Variants in AGBL1 observed in about 807,000 individuals in gnomAD.
AGBL1 encodes the protein cytosolic carboxypeptidase 4.
Under a neutral mutation model 118.9 loss-of-function variants are expected in AGBL1, and 130 were observed. That is an observed-to-expected ratio of 1.09 (90% confidence interval 0.95 to 1.26). The LOEUF (loss-of-function observed/expected upper bound fraction) is 1.26, where lower values mean the gene tolerates loss of function less well. AGBL1 is among the 50% of genes most tolerant of loss of function. The pLI is 0.00. For missense variants in AGBL1, 1,584 were observed against 1,298.1 expected (o/e 1.22, Z -3.38); for synonymous variants, 555 against 478.9 (o/e 1.16, Z -2.08).
chr15:86,777,897 T>G (rs11635736), intron 22 of AGBL1, among the ~76,000 whole-genome samples: 55,449 of 151,968 alleles, frequency 0.36, 11,606 homozygotes, highest in South Asian at 0.5. Context: ...AGAGAAATTT[T>G]TAAAAGCTAA....
At chr15:86,829,870 T>G (rs1015147714) in intron 22 of AGBL1, among the ~76,000 whole-genome samples, 1 of 152,124 alleles carries the variant, frequency 6.6e-6, no homozygotes. Context: ...TTTGTTCAGT[T>G]CATTGCAGAA....
At chr15:86,315,401 C>T (rs950661541) in intron 17 of AGBL1, among the ~76,000 whole-genome samples, 2 of 152,104 alleles carry the variant, frequency 1.3e-5, no homozygotes, top group Non-Finnish European at 2.9e-5. Flanking sequence ...AGTATTTTCA[C>T]ATATGACTAT....
chr15:86,310,821 A>G (rs2079909628), intron 17 of AGBL1, among the ~76,000 whole-genome samples: 2 of 152,066 alleles, frequency 1.3e-5, no homozygotes, highest in Admixed American at 6.5e-5. Flanking sequence ...TCTACTATGG[A>G]TTTTTGGGAT....
chr15:86,322,820 T>C (rs150132101), intron 17 of AGBL1, among the ~76,000 whole-genome samples: 51 of 152,338 alleles, frequency 3.3e-4, no homozygotes, highest in African/African-American at 1.2e-3. Context: ...TATACATGGA[T>C]ACTTTCCCAG....
chr15:86,504,718 A>G (rs533392316), intron 18 of AGBL1, among the ~76,000 whole-genome samples: 1 of 151,818 alleles, frequency 6.6e-6, no homozygotes, highest in African/African-American at 2.4e-5. Context: ...CTATTATCAT[A>G]TAAAATACGT....
intron 21 of AGBL1, among the ~76,000 whole-genome samples, chr15:86,617,293 T>A (rs987447298): frequency 6.6e-6 from 1 of 152,190 alleles, no homozygotes; most frequent in African/African-American, 2.4e-5. Context: ...ACAATAATAT[T>A]CCTGTGACCT....
intron 18 of AGBL1, among the ~76,000 whole-genome samples, chr15:86,434,621 G>A (rs1260172651): frequency 6.6e-6 from 1 of 152,100 alleles, no homozygotes; most frequent in African/African-American, 2.4e-5. Context: ...GAATAAAATC[G>A]GTCATGGGCC....
At chr15:86,773,814 TG>T (rs1240130581) in intron 22 of AGBL1, among the ~76,000 whole-genome samples, 6 of 151,896 alleles carry the variant, frequency 4.0e-5, no homozygotes, top group Non-Finnish European at 7.4e-5. Flanking sequence ...TAGGTGTGTA[TG>T]GAAAAGAATC....
chr15:86,397,764 C>T (rs1354737300), intron 18 of AGBL1, among the ~76,000 whole-genome samples: 3 of 152,186 alleles, frequency 2.0e-5, no homozygotes, highest in Admixed American at 6.6e-5. Context: ...GACGCCTAGG[C>T]AGGAGGATCA....
chr15:86,735,687 TGTCTCTCTGG>T (rs2077585427), intron 22 of AGBL1, among the ~76,000 whole-genome samples: 1 of 151,132 alleles, frequency 6.6e-6, no homozygotes, highest in African/African-American at 2.4e-5. Context: ...GTCTGCATAC[TGTCTCTCTGG>T]GTCTCTTTCA....
At chr15:86,933,352 A>G (rs1391126167) in intron 23 of AGBL1, among the ~76,000 whole-genome samples, 1 of 151,934 alleles carries the variant, frequency 6.6e-6, no homozygotes, top group Non-Finnish European at 1.5e-5. Context: ...ATGAAACCAA[A>G]AGGCCACAAA....
chr15:86,598,025 G>T (rs943568510), intron 21 of AGBL1, among the ~76,000 whole-genome samples: 1 of 152,098 alleles, frequency 6.6e-6, no homozygotes, highest in African/African-American at 2.4e-5. Context: ...GTGGGTCAGA[G>T]TTCTATCATC....
intron 5 of AGBL1, among the ~76,000 whole-genome samples, chr15:86,170,746 T>C (rs967809240): frequency 1.3e-5 from 2 of 152,076 alleles, no homozygotes; most frequent in African/African-American, 2.4e-5. Context: ...CTCAGGAGGC[T>C]GAGGCAGGAG....
intron 18 of AGBL1, among the ~76,000 whole-genome samples, chr15:86,458,856 C>T (rs192351433): frequency 3.3e-4 from 50 of 152,156 alleles, no homozygotes; most frequent in Middle Eastern, 3.4e-3. Context: ...GAAAATAGAA[C>T]GGAAATTGCA....
At chr15:86,765,025 C>T (rs2141277910) in intron 22 of AGBL1, among the ~76,000 whole-genome samples, 1 of 151,970 alleles carries the variant, frequency 6.6e-6, no homozygotes, top group Non-Finnish European at 1.5e-5. Context: ...CTAGGAGAAA[C>T]CAGAGGGAGA....
At chr15:86,899,477 C>G (rs1011278303) in intron 22 of AGBL1, among the ~76,000 whole-genome samples, 1 of 152,006 alleles carries the variant, frequency 6.6e-6, no homozygotes, top group Non-Finnish European at 1.5e-5. Context: ...ACAACGAACC[C>G]CCATGACACA....
intron 19 of AGBL1, among the ~76,000 whole-genome samples, chr15:86,533,568 T>C (rs1448565395): frequency 7.4e-6 from 1 of 135,872 alleles, no homozygotes; most frequent in Non-Finnish European, 1.5e-5. Context: ...TCCTCAGGGA[T>C]CTAGAACTAG....
intron 22 of AGBL1, among the ~76,000 whole-genome samples, chr15:86,743,631 C>A (rs1164415035): frequency 1.3e-5 from 2 of 152,134 alleles, no homozygotes; most frequent in Non-Finnish European, 2.9e-5. Context: ...CCAGGTTTCA[C>A]TTTCCAAATG....
At chr15:86,648,166 C>G (rs955711212) in intron 21 of AGBL1, among the ~76,000 whole-genome samples, 1 of 152,110 alleles carries the variant, frequency 6.6e-6, no homozygotes, top group Non-Finnish European at 1.5e-5. Context: ...AGGTCTCACT[C>G]TTGCTAAACT....
Sources: gnomAD v4.1 joint callset for allele counts (sites outside exome capture counted in the v4.1 genomes callset) on GRCh38, gnomAD v4.1.1 for gene constraint, MANE v1.5 for transcripts, NCBI Gene and HGNC (gene_info 2026-07-23, HGNC 2026-07-21) for gene names.